The following BBS12 variants were observed in gnomAD, a reference collection of about 807,000 sequenced individuals.
BBS12 encodes chaperonin-containing T-complex member BBS12.
In BBS12, 5 loss-of-function variants were observed where a neutral mutation model predicts 5.6. The observed-to-expected ratio is 0.89, with a 90% CI of 0.46 to 1.86. The LOEUF is 1.86. Among genes scored for constraint, BBS12 ranks in the 40% most tolerant of loss-of-function variants. BBS12 has a pLI of 0.01. For synonymous variants in BBS12, 308 were observed against 306.8 expected, an observed-to-expected ratio of 1.00 and a Z score of -0.04; for missense variants, 748 against 830.4, an observed-to-expected ratio of 0.90 and a Z score of 1.22.
chr4:122,740,363 G>T (rs1800850183), intron 1 of BBS12, among the ~76,000 whole-genome samples: 3 of 152,230 alleles, frequency 2.0e-5, no homozygotes, highest in African/African-American at 7.2e-5. Flanking sequence ...AAAGACTGAC[G>T]AAAGCTATGT....
chr4:122,731,212 T>C (rs1578482643), upstream of BBS12: 1 of 152,220 alleles, frequency 6.6e-6, no homozygotes, highest in East Asian at 1.9e-4. Flanking sequence ...TTACCAAAAA[T>C]GTAAGCTTCA....
chr4:122,716,689 GTGTA>G, the BBS12 span, among the ~76,000 whole-genome samples: 13 of 61,056 alleles, frequency 2.1e-4, no homozygotes, highest in Admixed American at 5.2e-4. Context: ...ATACACATAT[GTGTA>G]TGTGTGTGTA....
the BBS12 span, among the ~76,000 whole-genome samples, chr4:122,717,124 CTCG>C: frequency 6.6e-6 from 1 of 152,174 alleles, no homozygotes; most frequent in African/African-American, 2.4e-5. Context: ...GAGATTATAA[CTCG>C]TCAAGGTTAG....
chr4:122,722,821 C>T, the BBS12 span, among the ~76,000 whole-genome samples: 2 of 151,978 alleles, frequency 1.3e-5, no homozygotes, highest in Non-Finnish European at 2.9e-5. Context: ...TCTTCCTTTC[C>T]AGTCTTTATG....
At chr4:122,731,279 A>C (rs1195044914), upstream of BBS12, 2 of 152,246 alleles carry the variant, frequency 1.3e-5, no homozygotes, top group African/African-American at 4.8e-5. Context: ...AAAAATAGGC[A>C]TTCAATATAT....
chr4:122,731,544 T>G (rs1800696839), upstream of BBS12: 1 of 152,186 alleles, frequency 6.6e-6, no homozygotes, highest in Admixed American at 6.5e-5. Context: ...AATAAAATCA[T>G]AACTATATCA....
At chr4:122,708,216 T>C in the BBS12 span, among the ~76,000 whole-genome samples, 1 of 152,176 alleles carries the variant, frequency 6.6e-6, no homozygotes, top group African/African-American at 2.4e-5. Flanking sequence ...TTCACCATAT[T>C]GCCCAAGCTG....
At chr4:122,716,191 G>A in the BBS12 span, among the ~76,000 whole-genome samples, 1 of 151,854 alleles carries the variant, frequency 6.6e-6, no homozygotes, top group Non-Finnish European at 1.5e-5. Flanking sequence ...AAATCCCTTG[G>A]ATTTATTGTT....
chr4:122,720,082 C>T, the BBS12 span, among the ~76,000 whole-genome samples: 2 of 152,138 alleles, frequency 1.3e-5, no homozygotes, highest in African/African-American at 4.8e-5. Flanking sequence ...AAAAGCTACA[C>T]TTTTAAAAGT....
At chr4:122,729,504 T>C (rs920153596), upstream of BBS12, 3 of 152,258 alleles carry the variant, frequency 2.0e-5, no homozygotes, top group African/African-American at 7.2e-5. Flanking sequence ...TAATGAAGAA[T>C]AAGAACTTAA....
intron 1 of BBS12, among the ~76,000 whole-genome samples, chr4:122,738,733 A>T (rs1800822561): frequency 6.6e-6 from 1 of 152,222 alleles, no homozygotes; most frequent in African/African-American, 2.4e-5. Flanking sequence ...AAAAAGATAC[A>T]CAAATGGCCA....
chr4:122,709,749 G>C, the BBS12 span, among the ~76,000 whole-genome samples: 3 of 152,008 alleles, frequency 2.0e-5, no homozygotes, highest in African/African-American at 7.2e-5. Flanking sequence ...CCACTTCCTG[G>C]GTTCAAGCTA....
chr4:122,739,789 G>A (rs1560705339), intron 1 of BBS12, among the ~76,000 whole-genome samples: 1 of 152,238 alleles, frequency 6.6e-6, no homozygotes, highest in Non-Finnish European at 1.5e-5. Flanking sequence ...GCAATGACAA[G>A]CTGTCTCTCC....
the BBS12 span, among the ~76,000 whole-genome samples, chr4:122,727,551 T>TTTTTTTTTTTTTTTC: frequency 2.0e-5 from 2 of 98,420 alleles, 1 homozygote; most frequent in Non-Finnish European, 3.8e-5. Context: ...CCAATTTTTT[T>TTTTTTTTTTTTTTTC]TTTTTTTTTT....
rs557013132 is a variant in BBS12, at chr4:122,742,798, C to A, written c.906C>A (p.Gly302=). ...LQYQNACVQQ[G]NCTKPFMFDI... The stretch of plus-strand genomic sequence containing the variant: ...ATCAGAATGCTTGTGTGCAACAAGG[C>A]AACTGTACAAAACCATTTATGTTTG... Residue 302 remains glycine, a synonymous_variant, in exon 2 of 2, where the codon GGC becomes GGA. Coordinates refer to ENST00000314218, the MANE Select transcript of BBS12 (RefSeq NM_152618.3). The A allele has an allele frequency of 1.4e-5, 23 of 1,614,082 alleles. No individual in the cohort carries two copies. In the Admixed American group the frequency reaches 3.8e-4, roughly 27 times the overall value.
intron 1 of BBS12, among the ~76,000 whole-genome samples, chr4:122,733,424 C>T (rs370675058): frequency 1.9e-4 from 26 of 134,170 alleles, no homozygotes; most frequent in South Asian, 7.3e-4. Context: ...CACACACACA[C>T]ATCCAGCCAT....
At chr4:122,716,598 T>TATATATACACATATGTATGC in the BBS12 span, among the ~76,000 whole-genome samples, 26 of 96,830 alleles carry the variant, frequency 2.7e-4, no homozygotes, top group African/African-American at 5.3e-4. Context: ...CATATGTATG[T>TATATATACACATATGTATGC]ATACACACAT....
At chr4:122,724,027 G>A in the BBS12 span, among the ~76,000 whole-genome samples, 1 of 152,142 alleles carries the variant, frequency 6.6e-6, no homozygotes, top group Non-Finnish European at 1.5e-5. Flanking sequence ...CTCTTAGTTG[G>A]TTCCTTGTAT....
At chr4:122,723,892 A>G in the BBS12 span, among the ~76,000 whole-genome samples, 2 of 152,234 alleles carry the variant, frequency 1.3e-5, no homozygotes, top group African/African-American at 2.4e-5. Flanking sequence ...ACTGAGTTTC[A>G]GATGCGTGTG....
Sources: allele counts gnomAD v4.1 joint callset (sites outside exome capture counted in the v4.1 genomes callset), GRCh38; gene constraint gnomAD v4.1.1; transcripts MANE v1.5; gene names NCBI Gene and HGNC (gene_info 2026-07-23, HGNC 2026-07-21).